SLC26A9: variants seen among roughly 807,000 people sequenced by gnomAD.
SLC26A9 encodes the protein solute carrier family 26 member 9.
SLC26A9 carries 46 observed loss-of-function variants against 87.1 expected under a neutral mutation model. The observed-to-expected ratio is 0.53, with a 90% CI of 0.42 to 0.67. The LOEUF is 0.67. SLC26A9 is among the 30% of genes least tolerant of loss of function. The pLI, the probability that SLC26A9 is intolerant of heterozygous loss-of-function variation, is 0.00. For missense variants in SLC26A9, 927 were observed against 1,018.3 expected (o/e 0.91, Z 1.22); for synonymous variants, 437 against 409.1 (o/e 1.07, Z -0.82).
At position 205,918,794 on chromosome 1, in the gene SLC26A9, T is replaced by C. The variant is rs751924390; in HGVS notation, c.2256+46A>G. ...CTAATAATGCCTCTTGGTCCTGCTA[T>C]TTCAGTGCCTTGGAGCCTAGGATTC... On this transcript the variant is annotated intron_variant, in intron 19 of 20. Transcript: ENST00000367135. 2.5e-6 allele frequency: 4 copies of C among 1,586,564 alleles called. No individual in the cohort carries two copies. The Admixed American group carries it at 6.7e-5, about 27-fold the overall frequency.
rs1658518513 is a variant in SLC26A9, at chr1:205,915,019, T to C, written c.*338A>G. The C allele has an allele frequency of 1.2e-6, 2 of 1,614,082 alleles. No individual in the cohort carries two copies. ...CTGTTTTTGGCTCACTCGTAAAAGCTGGAAGTCAAGGTGTCCTTCAGCTGC... is the reference window on the plus strand; with the variant it reads ...CTGTTTTTGGCTCACTCGTAAAAGCCGGAAGTCAAGGTGTCCTTCAGCTGC... On this transcript the variant is annotated 3_prime_UTR_variant, in exon 21 of 21. Transcript: ENST00000367135.
At chr1:205,929,866 T>A in intron 6 of SLC26A9, 26 bp downstream of exon 6, 4 of 1,568,006 alleles carry the variant, frequency 2.6e-6, no homozygotes, top group Non-Finnish European at 3.5e-6. Context: ...CTTGCTCCAA[T>A]GGCAGGGGTG....
chr1:205,921,525 G>C (rs757129628), intron 17 of SLC26A9, 41 bp downstream of exon 17: 4 of 1,584,832 alleles, frequency 2.5e-6, no homozygotes, highest in Admixed American at 3.4e-5. Flanking sequence ...CAGAGCGGAG[G>C]GGGTGGAGTG....
At chr1:205,941,254 C>T (rs1659731635) in intron 1 of SLC26A9, among the ~76,000 whole-genome samples, 1 of 152,130 alleles carries the variant, frequency 6.6e-6, no homozygotes, top group Non-Finnish European at 1.5e-5. Context: ...CCACAGGGTG[C>T]ACTTCCTGGG....
Position 205,927,582 on chromosome 1 carries a change from G to T in SLC26A9, c.1125C>A (p.Ser375Arg), listed in dbSNP as rs536820993. The change falls in exon 10 of 21, where the codon AGC becomes AGA. Residue 375 changes from serine (S) to arginine (R), a missense_variant. Coordinates refer to ENST00000367135, the MANE Select transcript of SLC26A9 (RefSeq NM_052934.4). ...TTTTAAAGAAGGAGCCAAAGAAGTT[G>T]CTGCAGCCGAGAGCGATCATCTCCT... ...SNQEMIALGC[S>R]NFFGSFFKIH... 1.2e-6 allele frequency: 2 copies of T among 1,614,134 alleles called. No individual in the cohort carries two copies. The highest frequency in any genetic ancestry group is 1.7e-6 in the Non-Finnish European group (2 of 1,179,990).
At chr1:205,938,113 C>T (rs1021528271) in intron 1 of SLC26A9, among the ~76,000 whole-genome samples, 6 of 152,152 alleles carry the variant, frequency 3.9e-5, no homozygotes, top group South Asian at 2.1e-4. Context: ...TCCCAGCCCC[C>T]GTCCCCAGGA....
intron 13 of SLC26A9, 116 bp downstream of exon 13, chr1:205,924,267 G>T: frequency 1.1e-6 from 1 of 940,484 alleles, no homozygotes; most frequent in Non-Finnish European, 1.6e-6. Flanking sequence ...CACCTCCAGT[G>T]CCAGGCCCAG....
At chr1:205,932,675 T>A in intron 4 of SLC26A9, 27 bp downstream of exon 4, 1 of 1,519,802 alleles carries the variant, frequency 6.6e-7, no homozygotes, top group Non-Finnish European at 8.8e-7. Flanking sequence ...TGGGTCATCC[T>A]GCCTGCCCAG....
At position 205,913,493 on chromosome 1, in the gene SLC26A9, G is replaced by C. The variant is rs1055369560; in HGVS notation, c.*1864C>G. 2 of 152,554 alleles carry C rather than the reference G, an allele frequency of 1.3e-5. No homozygotes were observed. Among genetic ancestry groups the C allele is most frequent in the African/African-American group, 4.8e-5 (2 of 41,422 alleles). The allele number at this position is 152,554 out of a possible 1,614,324, so 9.5% of individuals were successfully genotyped here. On this transcript the variant is annotated 3_prime_UTR_variant, in exon 21 of 21. Coordinates refer to ENST00000367135, the MANE Select transcript of SLC26A9 (RefSeq NM_052934.4). ...TGGGGGTTAAGGATCACTTCATCAAGTCCTCAGGGGATCTAGATACTTGGT... is the reference window on the plus strand; with the variant it reads ...TGGGGGTTAAGGATCACTTCATCAACTCCTCAGGGGATCTAGATACTTGGT...
chr1:205,918,405 C>T (rs1000280628), intron 19 of SLC26A9, among the ~76,000 whole-genome samples: 1 of 152,168 alleles, frequency 6.6e-6, no homozygotes, highest in Non-Finnish European at 1.5e-5. Flanking sequence ...CCTGAAATCT[C>T]TAAGCTCCGG....
At chr1:205,922,552 G>A (rs1658886694) in intron 16 of SLC26A9, among the ~76,000 whole-genome samples, 1 of 152,226 alleles carries the variant, frequency 6.6e-6, no homozygotes, top group South Asian at 2.1e-4. Context: ...AGAAAATGGA[G>A]AAGGGCCTTG....
chr1:205,930,466 C>T (rs1412017704), intron 5 of SLC26A9, among the ~76,000 whole-genome samples: 2 of 152,226 alleles, frequency 1.3e-5, no homozygotes, highest in Non-Finnish European at 2.9e-5. Flanking sequence ...CCAGCCCCAT[C>T]TCTTTCTCTA....
rs1658438705 is a variant in SLC26A9, at chr1:205,913,066, C to T, written c.*2291G>A. 2 of 152,064 alleles carry T rather than the reference C, an allele frequency of 1.3e-5. No homozygotes were observed. The highest frequency in any genetic ancestry group is 6.6e-5 in the Admixed American group (1 of 15,258). The allele number at this position is 152,064 out of a possible 1,614,324, so 9.4% of individuals were successfully genotyped here. On this transcript the variant is annotated 3_prime_UTR_variant, in exon 21 of 21. Coordinates refer to ENST00000367135, the MANE Select transcript of SLC26A9 (RefSeq NM_052934.4). ...ATGTGCATTTGTTCACAATTCAAAT[C>T]CAGTTTATTACCAAAATGAACAAAA...
At position 205,929,277 on chromosome 1, in the gene SLC26A9, A is replaced by G. The variant is rs1047652405; in HGVS notation, c.797T>C (p.Leu266Pro). 1 of 1,614,250 alleles carries G rather than the reference A, an allele frequency of 6.2e-7. No individual in the cohort carries two copies. Among genetic ancestry groups the G allele is most frequent in the Non-Finnish European group, 8.5e-7 (1 of 1,180,050 alleles). Residue 266 changes from leucine (L) to proline (P), a missense_variant, in exon 7 of 21, where the codon CTG (leucine) becomes CCG (proline). Transcript: ENST00000367135. ...LIFALISGAF[L>P]VLVKELNARY... ...AGCATTGAGCTCCTTCACCAGCACC[A>G]GGAAGGCACCGCTGATGAGAGCGAA...
In SLC26A9 at chr1:205,923,626, G is replaced by C. The variant is rs747283848; in HGVS notation, c.1497-13C>G. The stretch of plus-strand genomic sequence containing the variant: ...ATAGCCATTTCGACTGGATGAAGCA[G>C]GAAGAGAAAAACATAAGAGAATGCT... On this transcript the variant is annotated splice_polypyrimidine_tract_variant and intron_variant, in intron 13 of 20. Transcript: ENST00000367135. The C allele has an allele frequency of 1.2e-6, 2 of 1,614,170 alleles. No homozygotes were observed. The highest frequency in any genetic ancestry group is 2.2e-5 in the East Asian group (1 of 44,892).
At chr1:205,927,462 TC>T (rs775693545) in intron 10 of SLC26A9, 29 bp downstream of exon 10, 2 of 1,602,994 alleles carry the variant, frequency 1.2e-6, no homozygotes, top group African/African-American at 1.3e-5. Flanking sequence ...TCTTACCACC[TC>T]CCCCCAACTC....
intron 15 of SLC26A9, 33 bp downstream of exon 15, chr1:205,923,302 C>G: frequency 1.2e-6 from 2 of 1,613,350 alleles, no homozygotes; most frequent in Non-Finnish European, 1.7e-6. Context: ...ACTCTCTGTC[C>G]AGAGCCTCTG....
rs775998835 is a variant in SLC26A9 at position 205,927,527 on chromosome 1, T to C, written c.1180A>G (p.Thr394Ala). 1.2e-6 allele frequency: 2 copies of C among 1,613,700 alleles called. No homozygotes were observed. The highest frequency in any genetic ancestry group is 4.5e-5 in the East Asian group (2 of 44,850). ...CCTCCAGCTCCATCCACAGCCAGAG[T>C]GACAGAAAGCGCACAGCAAATGACA... ...IHVICCALSVTLAVDGAGGKS... is the reference protein window; with the variant it reads ...IHVICCALSVALAVDGAGGKS... The change falls in exon 10 of 21, where the codon ACT becomes GCT. Residue 394 changes from threonine to alanine, a missense_variant. Thr to Ala is a moderately conservative substitution (Grantham distance 58). Transcript: ENST00000367135.
At chr1:205,932,902 G>A (rs961075042) in intron 3 of SLC26A9, 43 bp downstream of exon 3, 1 of 1,611,798 alleles carries the variant, frequency 6.2e-7, no homozygotes. Flanking sequence ...GAGGAATGGT[G>A]AGGGGAGTGG....
Sources: allele counts gnomAD v4.1 joint callset (sites outside exome capture counted in the v4.1 genomes callset), GRCh38; gene constraint gnomAD v4.1.1; transcripts MANE v1.5; gene names NCBI Gene and HGNC (gene_info 2026-07-23, HGNC 2026-07-21).